CPNE8: variants seen among roughly 807,000 people sequenced by gnomAD.
The protein encoded by CPNE8 is copine 8.
A neutral mutation model predicts 81.5 loss-of-function variants in CPNE8; 45 were observed. That is an observed-to-expected ratio of 0.55 (90% CI 0.44 to 0.71). The LOEUF is 0.71. Ranked by LOEUF, CPNE8 falls within the 30% of genes least tolerant of loss-of-function variation. CPNE8 has a pLI of 0.00. For missense variants in CPNE8, 594 were observed against 672.1 expected, an observed-to-expected ratio of 0.88 and a Z score of 1.28; for synonymous variants, 252 against 226.3, an observed-to-expected ratio of 1.11 and a Z score of -1.02.
At chr12:38,808,740 A>G (rs575157876) in intron 6 of CPNE8, among the ~76,000 whole-genome samples, 7 of 151,636 alleles carry the variant, frequency 4.6e-5, no homozygotes, top group Non-Finnish European at 8.8e-5. Flanking sequence ...GTACCCTAAA[A>G]CTTAAAGTAT....
chr12:38,718,291 G>C (rs1415794130), intron 13 of CPNE8, among the ~76,000 whole-genome samples: 1 of 152,140 alleles, frequency 6.6e-6, no homozygotes, highest in East Asian at 1.9e-4. Flanking sequence ...TAGCTGACTT[G>C]TTAAAAAAGG....
chr12:38,879,656 T>C (rs1016130526), intron 1 of CPNE8, among the ~76,000 whole-genome samples: 1 of 152,144 alleles, frequency 6.6e-6, no homozygotes, highest in Non-Finnish European at 1.5e-5. Context: ...CTAATAAATA[T>C]TCTTGTTAAA....
chr12:38,790,717 T>C (rs1164525832), intron 6 of CPNE8, among the ~76,000 whole-genome samples: 1 of 151,630 alleles, frequency 6.6e-6, no homozygotes, highest in Non-Finnish European at 1.5e-5. Flanking sequence ...ACACCTTAAA[T>C]ATATATACCA....
At chr12:38,685,420 T>C in intron 16 of CPNE8, 70 bp downstream of exon 16, 1 of 1,509,534 alleles carries the variant, frequency 6.6e-7, no homozygotes, top group African/African-American at 1.4e-5. Context: ...GGAGTCATGC[T>C]AGCAACAATG....
At chr12:38,863,609 A>AT (rs1180835979) in intron 3 of CPNE8, among the ~76,000 whole-genome samples, 1 of 152,218 alleles carries the variant, frequency 6.6e-6, no homozygotes, top group East Asian at 1.9e-4. Context: ...AAGACAATAC[A>AT]TTATTATTCA....
intron 6 of CPNE8, among the ~76,000 whole-genome samples, chr12:38,790,464 G>A (rs1182934611): frequency 6.6e-6 from 1 of 151,574 alleles, no homozygotes; most frequent in Non-Finnish European, 1.5e-5. Flanking sequence ...TAGGTGCTTG[G>A]GGTAATATAG....
intron 3 of CPNE8, among the ~76,000 whole-genome samples, chr12:38,864,915 G>C (rs1943893299): frequency 6.6e-6 from 1 of 152,144 alleles, no homozygotes; most frequent in Non-Finnish European, 1.5e-5. Context: ...TATTCAAAGA[G>C]TAGAATGCCA....
At chr12:38,699,410 G>A (rs1182319843) in intron 14 of CPNE8, among the ~76,000 whole-genome samples, 1 of 152,050 alleles carries the variant, frequency 6.6e-6, no homozygotes, top group African/African-American at 2.4e-5. Flanking sequence ...ATATTGTTAT[G>A]TGCCCCGATC....
chr12:38,791,712 T>A, intron 6 of CPNE8, among the ~76,000 whole-genome samples: 1 of 151,582 alleles, frequency 6.6e-6, no homozygotes, highest in South Asian at 2.1e-4. Context: ...AGGAACTAAC[T>A]TGAACAACAC....
chr12:38,904,645 T>C (rs1944538534), intron 1 of CPNE8, among the ~76,000 whole-genome samples: 1 of 151,470 alleles, frequency 6.6e-6, no homozygotes, highest in South Asian at 2.1e-4. Flanking sequence ...ATTTTTGCAT[T>C]TTTAGTAGAG....
At chr12:38,835,309 A>G (rs1943362015) in intron 5 of CPNE8, among the ~76,000 whole-genome samples, 2 of 152,176 alleles carry the variant, frequency 1.3e-5, no homozygotes, top group South Asian at 2.1e-4. Flanking sequence ...GATAAATGGC[A>G]TAGAACCATG....
At chr12:38,819,071 C>G (rs1207820020) in intron 6 of CPNE8, among the ~76,000 whole-genome samples, 1 of 152,070 alleles carries the variant, frequency 6.6e-6, no homozygotes, top group African/African-American at 2.4e-5. Flanking sequence ...AAATTTTTCC[C>G]ATTCTGTGGG....
intron 19 of CPNE8, among the ~76,000 whole-genome samples, chr12:38,654,322 C>A (rs1938770148): frequency 6.6e-6 from 1 of 151,802 alleles, no homozygotes; most frequent in Non-Finnish European, 1.5e-5. Flanking sequence ...TCAAGACCAG[C>A]CTGACCAACA....
chr12:38,785,286 T>C (rs1480007443), intron 6 of CPNE8, among the ~76,000 whole-genome samples: 1 of 151,896 alleles, frequency 6.6e-6, no homozygotes, highest in Non-Finnish European at 1.5e-5. Flanking sequence ...ACACAGAATA[T>C]TATAACACTA....
At chr12:38,796,811 G>A (rs1036207265) in intron 6 of CPNE8, among the ~76,000 whole-genome samples, 5 of 152,066 alleles carry the variant, frequency 3.3e-5, no homozygotes, top group South Asian at 2.1e-4. Context: ...GGGGTGACAG[G>A]CGGCACCTGG....
intron 6 of CPNE8, among the ~76,000 whole-genome samples, chr12:38,829,029 C>T (rs892735874): frequency 5.3e-5 from 8 of 152,140 alleles, no homozygotes; most frequent in African/African-American, 1.9e-4. Context: ...TTATGAAATA[C>T]ATGGTATTAA....
At chr12:38,717,672 G>A (rs1416367900) in intron 13 of CPNE8, among the ~76,000 whole-genome samples, 1 of 151,394 alleles carries the variant, frequency 6.6e-6, no homozygotes, top group East Asian at 1.9e-4. Flanking sequence ...TGAAGTTTGG[G>A]AGGGTGGTGA....
intron 1 of CPNE8, among the ~76,000 whole-genome samples, chr12:38,882,489 A>G (rs145980883): frequency 7.6e-4 from 115 of 152,310 alleles, no homozygotes; most frequent in Non-Finnish European, 1.4e-3. Flanking sequence ...CTGTTCTTTT[A>G]AGCCAACAAG....
At chr12:38,792,581 T>C (rs181478505) in intron 6 of CPNE8, among the ~76,000 whole-genome samples, 4 of 151,700 alleles carry the variant, frequency 2.6e-5, no homozygotes, top group Non-Finnish European at 5.9e-5. Flanking sequence ...GTTAAATCAA[T>C]AATCAAAAAA....
Sources: gnomAD v4.1 joint callset for allele counts (sites outside exome capture counted in the v4.1 genomes callset) on GRCh38, gnomAD v4.1.1 for gene constraint, MANE v1.5 for transcripts, NCBI Gene and HGNC (gene_info 2026-07-23, HGNC 2026-07-21) for gene names.